The following FARS2 variants were observed in gnomAD, a reference collection of about 807,000 sequenced individuals.
The protein encoded by FARS2 is phenylalanine--tRNA ligase, mitochondrial.
In FARS2, 40 loss-of-function variants were observed where a neutral mutation model predicts 46.4. That is an observed-to-expected ratio of 0.86 (90% CI 0.67 to 1.12). FARS2 has a LOEUF of 1.12. Among genes scored for constraint, FARS2 ranks in the 50% most tolerant of loss-of-function variants. FARS2 has a pLI of 0.00. For missense variants in FARS2, 513 were observed against 567.9 expected (o/e 0.90, Z 0.98); for synonymous variants, 234 against 214.9 (o/e 1.09, Z -0.78).
intron 6 of FARS2, among the ~76,000 whole-genome samples, chr6:5,687,575 A>T (rs564345237): frequency 1.3e-5 from 2 of 152,336 alleles, no homozygotes; most frequent in Non-Finnish European, 2.9e-5. Flanking sequence ...TTTTGGTACC[A>T]ATACCATGCT....
At chr6:5,264,465 C>T (rs116773867) in intron 1 of FARS2, among the ~76,000 whole-genome samples, 3,476 of 151,216 alleles carry the variant, frequency 0.023, 109 homozygotes, top group African/African-American at 0.077. Context: ...TTCCTAAGTA[C>T]TATAGGTTAT....
chr6:5,359,029 CCTTTTTTTTTTTTTTT>C (rs1249367682), intron 1 of FARS2, among the ~76,000 whole-genome samples: 10 of 72,534 alleles, frequency 1.4e-4, no homozygotes, highest in Admixed American at 5.8e-4. Flanking sequence ...GAAAAGATAC[CCTTTTTTTTTTTTTTT>C]TTTTTTTTTT....
At chr6:5,333,104 C>T (rs1455167780) in intron 1 of FARS2, among the ~76,000 whole-genome samples, 1 of 151,862 alleles carries the variant, frequency 6.6e-6, no homozygotes, top group Non-Finnish European at 1.5e-5. Context: ...CATTTTTCAT[C>T]ACCAAATACT....
At chr6:5,268,552 C>G (rs965447404) in intron 1 of FARS2, among the ~76,000 whole-genome samples, 1 of 152,082 alleles carries the variant, frequency 6.6e-6, no homozygotes. Context: ...TGTTCTGTTC[C>G]GTTGATCTAT....
At chr6:5,371,591 AATTGGG>A (rs1192048378) in intron 2 of FARS2, among the ~76,000 whole-genome samples, 1 of 152,126 alleles carries the variant, frequency 6.6e-6, no homozygotes, top group Non-Finnish European at 1.5e-5. Flanking sequence ...AACAGTAATA[AATTGGG>A]GGGAGTAATC....
Position 5,538,709 on chromosome 6 carries a change from G to A in FARS2, c.905-6471G>A, listed in dbSNP as rs576251263. ...GAGTCGCCAGTATTGTCTTACTGAT[G>A]GAATAGGCCAATGACACAATGCAGG... On this transcript the variant is annotated intron_variant, in intron 4 of 6. Transcript: ENST00000274680. 9.2e-5 allele frequency among the ~76,000 whole-genome samples: 14 copies of A among 152,184 alleles called. No individual in the cohort carries two copies. The South Asian group carries it at 2.5e-3, about 27-fold the overall frequency.
chr6:5,373,956 A>G (rs1581918212), intron 2 of FARS2, among the ~76,000 whole-genome samples: 1 of 152,074 alleles, frequency 6.6e-6, no homozygotes, highest in Non-Finnish European at 1.5e-5. Flanking sequence ...AAATTTGAGC[A>G]CTGACTAACT....
intron 1 of FARS2, among the ~76,000 whole-genome samples, chr6:5,365,476 T>C (rs571219476): frequency 5.3e-5 from 8 of 150,768 alleles, no homozygotes; most frequent in African/African-American, 1.5e-4. Context: ...ACTGCAGGTG[T>C]GTGCCACCAT....
intron 6 of FARS2, among the ~76,000 whole-genome samples, chr6:5,766,126 A>G (rs529947448): frequency 2.6e-5 from 4 of 152,340 alleles, no homozygotes; most frequent in East Asian, 1.9e-4. Context: ...TACTTTGCCT[A>G]TGAGTAGAAG....
chr6:5,580,556 T>G (rs548790792), intron 5 of FARS2, among the ~76,000 whole-genome samples: 2 of 152,300 alleles, frequency 1.3e-5, no homozygotes, highest in South Asian at 4.1e-4. Context: ...GCAGCCCCCG[T>G]GTGTCTCTGC....
intron 5 of FARS2, among the ~76,000 whole-genome samples, chr6:5,572,146 G>T (rs773303366): frequency 3.3e-5 from 5 of 152,158 alleles, no homozygotes; most frequent in Middle Eastern, 6.3e-3. Flanking sequence ...ATAAAGAAAA[G>T]AGGTTTAATT....
intron 2 of FARS2, among the ~76,000 whole-genome samples, chr6:5,378,885 T>C (rs919586659): frequency 2.6e-5 from 4 of 152,354 alleles, no homozygotes; most frequent in African/African-American, 9.6e-5. Context: ...AGTCCATGGA[T>C]TTGGGAAATA....
chr6:5,680,378 G>A (rs978104669), intron 6 of FARS2, among the ~76,000 whole-genome samples: 11 of 152,168 alleles, frequency 7.2e-5, no homozygotes, highest in African/African-American at 2.7e-4. Flanking sequence ...GCTGTCACCT[G>A]CCATTGTTTA....
chr6:5,611,705 T>C (rs1355268025), intron 5 of FARS2, among the ~76,000 whole-genome samples: 13 of 152,194 alleles, frequency 8.5e-5, no homozygotes, highest in African/African-American at 2.9e-4. Flanking sequence ...TTTACCACAA[T>C]GTATATTTTA....
At chr6:5,498,059 G>A (rs1039644993) in intron 4 of FARS2, among the ~76,000 whole-genome samples, 1 of 152,192 alleles carries the variant, frequency 6.6e-6, no homozygotes, top group Admixed American at 6.5e-5. Flanking sequence ...GGGCCCTGGG[G>A]AATGGAAGGG....
At chr6:5,428,372 C>T (rs1324673278) in intron 3 of FARS2, among the ~76,000 whole-genome samples, 2 of 152,034 alleles carry the variant, frequency 1.3e-5, no homozygotes, top group Admixed American at 6.6e-5. Flanking sequence ...CACTGTGTTC[C>T]AAGCATTTAG....
rs143343220 is a variant in FARS2 at position 5,633,129 on chromosome 6, G to A, written c.1217+19809G>A. On this transcript the variant is annotated intron_variant, in intron 6 of 6. Transcript: ENST00000274680. ...AAATTCCCCATCATCCTACCATCCA[G>A]AGAGTTTGTTTTGTTTTAGAGACAA... Among the ~76,000 whole-genome samples, 13 of 152,116 alleles carry A rather than the reference G, an allele frequency of 8.5e-5. No homozygotes were observed. In the East Asian group the frequency reaches 1.9e-3, roughly 23 times the overall value.
chr6:5,318,555 A>G (rs533346151), intron 1 of FARS2, among the ~76,000 whole-genome samples: 9 of 152,154 alleles, frequency 5.9e-5, no homozygotes, highest in Non-Finnish European at 1.3e-4. Context: ...GATTCTTGGC[A>G]TCTTAAAAGA....
intron 1 of FARS2, among the ~76,000 whole-genome samples, chr6:5,365,453 C>G (rs1758605910): frequency 6.7e-6 from 1 of 149,616 alleles, no homozygotes; most frequent in Non-Finnish European, 1.5e-5. Context: ...GCCTTAGCTC[C>G]CCAGTAGCTG....
Sources: gnomAD v4.1 joint callset for allele counts (sites outside exome capture counted in the v4.1 genomes callset) on GRCh38, gnomAD v4.1.1 for gene constraint, MANE v1.5 for transcripts, NCBI Gene and HGNC (gene_info 2026-07-23, HGNC 2026-07-21) for gene names.